DPP10: variants seen among roughly 807,000 people sequenced by gnomAD.
The protein encoded by DPP10 is dipeptidyl peptidase like 10, also known as inactive dipeptidyl peptidase 10.
DPP10 carries 33 observed loss-of-function variants against 120.9 expected under a neutral mutation model. The observed-to-expected ratio is 0.27, with a 90% CI of 0.21 to 0.37. The LOEUF (loss-of-function observed/expected upper bound fraction) is 0.37, where lower values mean the gene tolerates loss of function less well. Ranked by LOEUF, DPP10 falls within the 10% of genes least tolerant of loss-of-function variation. The pLI is 1.00. For missense variants in DPP10, 816 were observed against 942.8 expected, an observed-to-expected ratio of 0.87 and a Z score of 1.76; for synonymous variants, 337 against 326.1, an observed-to-expected ratio of 1.03 and a Z score of -0.36.
chr2:115,256,484 T>C (rs2058993042), intron 1 of DPP10, among the ~76,000 whole-genome samples: 1 of 152,188 alleles, frequency 6.6e-6, no homozygotes, highest in Non-Finnish European at 1.5e-5. Context: ...TCTGAGCCTG[T>C]GGCTGGAGTT....
At chr2:115,317,389 A>G (rs2061845629) in intron 2 of DPP10, among the ~76,000 whole-genome samples, 1 of 152,156 alleles carries the variant, frequency 6.6e-6, no homozygotes. Context: ...TATGGCTCAT[A>G]GCAATCCATT....
Position 114,532,898 on chromosome 2 carries a change from G to A in DPP10, c.60+90060G>A, listed in dbSNP as rs1686158316. ...TGGATATCCAGCAGGGATATGATCAGGGGTATTCTCTGCTTCTGGACTCAT... is the reference window on the plus strand; with the variant it reads ...TGGATATCCAGCAGGGATATGATCAAGGGTATTCTCTGCTTCTGGACTCAT... On this transcript the variant is annotated intron_variant, in intron 1 of 25. Transcript: ENST00000410059. Among the ~76,000 whole-genome samples the A allele has an allele frequency of 2.6e-5, 4 of 152,308 alleles. No individual in the cohort carries two copies. The South Asian group carries it at 8.3e-4, about 32-fold the overall frequency.
Position 115,840,855 on chromosome 2 carries a change from C to CTGCTGTGT in DPP10, c.2256+34_2256+41dup. On this transcript the variant is annotated intron_variant, in intron 25 of 25. Transcript: ENST00000410059. Reference sequence around the variant, plus strand: ...TACTTTCTTAGAAGAACGTGTTTTCCTGCTGTGTTTTTTCACTTGTGAGAT... The same window carrying CTGCTGTGT: ...TACTTTCTTAGAAGAACGTGTTTTCCTGCTGTGTTGCTGTGTTTTTTCACTTGTGAGAT... 3 of 1,586,680 alleles carry CTGCTGTGT rather than the reference C, an allele frequency of 1.9e-6. No homozygotes were observed. The Middle Eastern group carries it at 5.1e-4, about 268-fold the overall frequency.
intron 5 of DPP10, among the ~76,000 whole-genome samples, chr2:115,680,874 C>A (rs1191151468): frequency 6.6e-6 from 1 of 151,534 alleles, no homozygotes; most frequent in Non-Finnish European, 1.5e-5. Context: ...AATGAATTCC[C>A]AAGAACAAAC....
intron 1 of DPP10, among the ~76,000 whole-genome samples, chr2:115,007,754 A>T (rs975977704): frequency 4.6e-5 from 7 of 151,138 alleles, no homozygotes; most frequent in Admixed American, 4.6e-4. Flanking sequence ...TCAATGTGCA[A>T]AAATCACAAG....
intron 5 of DPP10, among the ~76,000 whole-genome samples, chr2:115,566,290 A>T (rs992485003): frequency 7.2e-5 from 11 of 151,918 alleles, no homozygotes; most frequent in Admixed American, 7.2e-4. Context: ...GTTTTTTCCT[A>T]ATGTTTGGCA....
intron 1 of DPP10, among the ~76,000 whole-genome samples, chr2:115,090,687 C>T (rs574972688): frequency 8.6e-4 from 42 of 48,896 alleles, no homozygotes; most frequent in Admixed American, 4.5e-3. Context: ...GGTTTCTGGA[C>T]GATTTTTTTG....
chr2:114,474,647 T>C (rs1364871859), intron 1 of DPP10, among the ~76,000 whole-genome samples: 1 of 152,160 alleles, frequency 6.6e-6, no homozygotes, highest in Non-Finnish European at 1.5e-5. Flanking sequence ...AGTGAGAATA[T>C]ACCCTGCTGT....
intron 3 of DPP10, among the ~76,000 whole-genome samples, chr2:115,435,962 T>C (rs1413737660): frequency 1.3e-5 from 2 of 151,920 alleles, no homozygotes; most frequent in African/African-American, 4.8e-5. Flanking sequence ...CTTTTTCCAA[T>C]GCATGTTCTT....
Position 115,746,122 on chromosome 2 carries a change from G to A in DPP10, c.889G>A (p.Val297Ile), listed in dbSNP as rs1240831518. 1 of 1,611,868 alleles carries A rather than the reference G, an allele frequency of 6.2e-7. No individual in the cohort carries two copies. The highest frequency in any genetic ancestry group is 8.5e-7 in the Non-Finnish European group (1 of 1,179,328). The stretch of plus-strand genomic sequence containing the variant: ...GAACCCAACAATAAAATTATATGTT[G>A]TAAACCTGTATGGACCAACTCACAC... ...QVNPTIKLYV[V>I]NLYGPTHTLE... The change falls in exon 10 of 26, where the codon GTA (valine) becomes ATA (isoleucine). Residue 297 changes from valine to isoleucine, a missense_variant. Coordinates refer to ENST00000410059, the MANE Select transcript of DPP10 (RefSeq NM_020868.6).
intron 1 of DPP10, among the ~76,000 whole-genome samples, chr2:114,448,812 C>G (rs901886199): frequency 9.2e-5 from 14 of 152,122 alleles, no homozygotes; most frequent in African/African-American, 1.7e-4. Flanking sequence ...CTCTTTTATT[C>G]CTCACAGGGA....
At chr2:115,360,656 G>T (rs1574553725) in intron 3 of DPP10, among the ~76,000 whole-genome samples, 1 of 152,276 alleles carries the variant, frequency 6.6e-6, no homozygotes, top group East Asian at 1.9e-4. Flanking sequence ...TGTAGTCTCT[G>T]GTGCTGTGCC....
chr2:115,737,867 G>A (rs1264767316), intron 8 of DPP10, among the ~76,000 whole-genome samples: 1 of 152,052 alleles, frequency 6.6e-6, no homozygotes, highest in Non-Finnish European at 1.5e-5. Context: ...AACATCCCCG[G>A]TGTTGCACAC....
chr2:115,185,590 A>G (rs758213223), intron 1 of DPP10, among the ~76,000 whole-genome samples: 19 of 152,206 alleles, frequency 1.2e-4, no homozygotes, highest in East Asian at 5.8e-4. Context: ...ATGTCAATCT[A>G]TGTTAAAACC....
At chr2:114,460,389 A>C (rs1315471234) in intron 1 of DPP10, among the ~76,000 whole-genome samples, 1 of 152,206 alleles carries the variant, frequency 6.6e-6, no homozygotes, top group Non-Finnish European at 1.5e-5. Flanking sequence ...ATTTCAGATT[A>C]GCTGATATAG....
At chr2:114,817,078 G>A (rs948885554) in intron 1 of DPP10, among the ~76,000 whole-genome samples, 3 of 152,102 alleles carry the variant, frequency 2.0e-5, no homozygotes, top group Non-Finnish European at 2.9e-5. Flanking sequence ...ATGGTTTTGA[G>A]GGAGACTTTT....
chr2:115,661,814 A>G lies in DPP10; in HGVS notation c.442-27873A>G, dbSNP rs536555936. ...GGACATTATGAAACACTCAATTACC[A>G]CAATTAAGCTTATTAACTTCTATCA... On this transcript the variant is annotated intron_variant, in intron 5 of 25. Transcript: ENST00000410059. Among the ~76,000 whole-genome samples the G allele has an allele frequency of 9.2e-5, 14 of 152,368 alleles. No homozygotes were observed. The East Asian group carries it at 1.3e-3, about 15-fold the overall frequency.
chr2:114,506,719 C>T (rs1223152317), intron 1 of DPP10, among the ~76,000 whole-genome samples: 2 of 152,140 alleles, frequency 1.3e-5, no homozygotes, highest in Non-Finnish European at 2.9e-5. Flanking sequence ...AAAGGTGGAA[C>T]ACAACTGGGC....
At chr2:115,200,206 C>T (rs187794119) in intron 1 of DPP10, among the ~76,000 whole-genome samples, 11 of 152,214 alleles carry the variant, frequency 7.2e-5, no homozygotes, top group East Asian at 3.9e-4. Flanking sequence ...ACAGATGGTT[C>T]GGTTGGGCGT....
Sources: gnomAD v4.1 joint callset for allele counts (sites outside exome capture counted in the v4.1 genomes callset) on GRCh38, gnomAD v4.1.1 for gene constraint, MANE v1.5 for transcripts, NCBI Gene and HGNC (gene_info 2026-07-23, HGNC 2026-07-21) for gene names.